Variants in TRA2A observed in about 807,000 individuals in gnomAD.
TRA2A encodes the protein transformer-2 protein homolog alpha.
Under a neutral mutation model 45.7 loss-of-function variants are expected in TRA2A, and 31 were observed. That is an observed-to-expected ratio of 0.68 (90% CI 0.51 to 0.92). TRA2A has a LOEUF of 0.92. TRA2A is among the 40% of genes least tolerant of loss of function. The pLI is 0.00. For missense variants in TRA2A, 304 were observed against 367.5 expected, an observed-to-expected ratio of 0.83 and a Z score of 1.41; for synonymous variants, 132 against 126.2, an observed-to-expected ratio of 1.05 and a Z score of -0.31.
chr7:23,507,597 A>G (rs1789402591), intron 4 of TRA2A, 62 bp from the exon 5 acceptor site: 2 of 1,153,566 alleles, frequency 1.7e-6, no homozygotes, highest in Non-Finnish European at 1.3e-6. Flanking sequence ...ATCATTACTT[A>G]AAATTAAGCA....
Position 23,521,845 on chromosome 7 carries a change from C to T in TRA2A, c.37-5G>A, listed in dbSNP as rs945396416. 5.0e-5 allele frequency: 81 copies of T among 1,614,078 alleles called. No homozygotes were observed. Among genetic ancestry groups the T allele is most frequent in the Non-Finnish European group, 6.7e-5 (79 of 1,180,020 alleles). On this transcript the variant is annotated splice_polypyrimidine_tract_variant and splice_region_variant and intron_variant, in intron 1 of 7. Coordinates refer to ENST00000297071, the MANE Select transcript of TRA2A (RefSeq NM_013293.5). ...TTTTGACTGAGAGCGAGACTCCTAA[C>T]AAAGAAGACAGTATTACAAATGGCA...
chr7:23,516,109 C>T (rs905499517), intron 3 of TRA2A, among the ~76,000 whole-genome samples: 84 of 152,074 alleles, frequency 5.5e-4, no homozygotes, highest in Non-Finnish European at 1.9e-4. Flanking sequence ...CCCTGCACTC[C>T]AGCCTGGGAG....
In TRA2A at chr7:23,513,358, T is replaced by C. The variant is rs921943901; in HGVS notation, c.337-276A>G. Among the ~76,000 whole-genome samples, 5 of 152,132 alleles carry C rather than the reference T, an allele frequency of 3.3e-5. 1 individual carries two copies. The highest frequency in any genetic ancestry group is 2.0e-4 in the Admixed American group (3 of 15,252). The stretch of plus-strand genomic sequence containing the variant: ...ATGTTCATAATGTATCCTGAAAATC[T>C]TGTAATCCCAGCATTTTGGGAGGCT... On this transcript the variant is annotated intron_variant, in intron 3 of 7. Coordinates refer to ENST00000297071, the MANE Select transcript of TRA2A (RefSeq NM_013293.5).
chr7:23,518,087 C>T (rs574251433), intron 2 of TRA2A, among the ~76,000 whole-genome samples: 1 of 151,818 alleles, frequency 6.6e-6, no homozygotes, highest in South Asian at 2.1e-4. Context: ...TACAGGCATG[C>T]ACCACCATGC....
chr7:23,508,165 C>T (rs1326719055), intron 4 of TRA2A, among the ~76,000 whole-genome samples: 1 of 151,324 alleles, frequency 6.6e-6, no homozygotes, highest in Non-Finnish European at 1.5e-5. Context: ...GCCTTTCAAC[C>T]TTTTATTGAG....
intron 1 of TRA2A, among the ~76,000 whole-genome samples, chr7:23,523,745 A>T (rs1790230641): frequency 6.6e-6 from 1 of 152,230 alleles, no homozygotes; most frequent in Non-Finnish European, 1.5e-5. Context: ...AGGCATAGCA[A>T]TCTGGGCTTT....
chr7:23,523,037 A>T (rs1790198786), intron 1 of TRA2A, among the ~76,000 whole-genome samples: 1 of 152,196 alleles, frequency 6.6e-6, no homozygotes, highest in African/African-American at 2.4e-5. Flanking sequence ...AAAACTAATA[A>T]GCATGAAATT....
chr7:23,515,236 T>C (rs1036279513), intron 3 of TRA2A, among the ~76,000 whole-genome samples: 6 of 144,918 alleles, frequency 4.1e-5, no homozygotes, highest in African/African-American at 1.5e-4. Flanking sequence ...TTTTTTTTTT[T>C]TTTTTTTTTT....
intron 4 of TRA2A, among the ~76,000 whole-genome samples, chr7:23,508,556 G>A (rs1175393160): frequency 6.6e-6 from 1 of 152,150 alleles, no homozygotes; most frequent in Middle Eastern, 3.2e-3. Context: ...GTGCAATGGC[G>A]TGACCTCGGT....
chr7:23,507,598 A>C (rs1342413782), intron 4 of TRA2A, 63 bp from the exon 5 acceptor site: 3 of 1,158,918 alleles, frequency 2.6e-6, no homozygotes, highest in Non-Finnish European at 3.9e-6. Context: ...TCATTACTTA[A>C]AATTAAGCAC....
At chr7:23,511,220 A>G (rs188683689) in intron 4 of TRA2A, among the ~76,000 whole-genome samples, 8 of 151,928 alleles carry the variant, frequency 5.3e-5, no homozygotes, top group African/African-American at 1.9e-4. Context: ...AAATACAAAA[A>G]ATTAGCTGGA....
chr7:23,505,704 A>G (rs751967354), intron 7 of TRA2A, 42 bp downstream of exon 7: 1 of 1,327,552 alleles, frequency 7.5e-7, no homozygotes, highest in Non-Finnish European at 1.0e-6. Flanking sequence ...GCCATTAATT[A>G]GAAATGAGGT....
chr7:23,529,978 G>T (rs1243552340), intron 1 of TRA2A, among the ~76,000 whole-genome samples: 3 of 150,448 alleles, frequency 2.0e-5, no homozygotes, highest in African/African-American at 7.3e-5. Context: ...TCCTAGACTT[G>T]ATGATAAATT....
intron 1 of TRA2A, among the ~76,000 whole-genome samples, chr7:23,527,773 A>G (rs1790398514): frequency 6.6e-6 from 1 of 152,172 alleles, no homozygotes; most frequent in Non-Finnish European, 1.5e-5. Context: ...TCTATGACAG[A>G]TCTGTAAAAT....
intron 3 of TRA2A, among the ~76,000 whole-genome samples, chr7:23,513,490 C>A (rs572780926): frequency 2.6e-5 from 4 of 152,004 alleles, no homozygotes; most frequent in African/African-American, 9.7e-5. Flanking sequence ...TGGTGGCCGG[C>A]GCCTGTAATC....
chr7:23,527,448 G>C (rs1295843133), intron 1 of TRA2A, among the ~76,000 whole-genome samples: 1 of 152,064 alleles, frequency 6.6e-6, no homozygotes, highest in Non-Finnish European at 1.5e-5. Context: ...TGAACAAATA[G>C]CAATCAGTTT....
chr7:23,530,045 A>ACAAAC (rs1372357755), intron 1 of TRA2A, among the ~76,000 whole-genome samples: 1 of 152,134 alleles, frequency 6.6e-6, no homozygotes, highest in Non-Finnish European at 1.5e-5. Context: ...TTCACTCCCC[A>ACAAAC]CAAACCAAAC....
chr7:23,518,885 A>C (rs997579816), intron 2 of TRA2A, among the ~76,000 whole-genome samples: 1 of 150,932 alleles, frequency 6.6e-6, no homozygotes, highest in Non-Finnish European at 1.5e-5. Flanking sequence ...CGGGGTCTCA[A>C]CATGTTGGCC....
At chr7:23,517,085 C>G (rs1250727408) in intron 2 of TRA2A, among the ~76,000 whole-genome samples, 7 of 151,920 alleles carry the variant, frequency 4.6e-5, no homozygotes, top group Admixed American at 3.3e-4. Flanking sequence ...AGCATGGTAA[C>G]AGAACGAGAC....
Sources: allele counts gnomAD v4.1 joint callset (sites outside exome capture counted in the v4.1 genomes callset), GRCh38; gene constraint gnomAD v4.1.1; transcripts MANE v1.5; gene names NCBI Gene and HGNC (gene_info 2026-07-23, HGNC 2026-07-21).